Variants in TTLL12 observed in about 807,000 individuals in gnomAD.
TTLL12 encodes tubulin tyrosine ligase like 12.
TTLL12 carries 77 observed loss-of-function variants against 79.6 expected under a neutral mutation model. The ratio of observed to expected loss-of-function variants is 0.97; its 90% CI spans 0.81 to 1.17. The LOEUF (loss-of-function observed/expected upper bound fraction) is 1.17. Ranked by LOEUF, TTLL12 falls within the 50% of genes most tolerant of loss-of-function variation. TTLL12 has a pLI of 0.00. For synonymous variants in TTLL12, 437 were observed against 376.1 expected (o/e 1.16, Z -1.87); for missense variants, 969 against 895.9 (o/e 1.08, Z -1.04).
intron 3 of TTLL12, 36 bp downstream of exon 3, chr22:43,180,706 G>C: frequency 1.2e-6 from 2 of 1,607,314 alleles, no homozygotes; most frequent in South Asian, 2.2e-5. Flanking sequence ...GCCCATGCCT[G>C]TCCTCCCCCT....
At position 43,174,381 on chromosome 22, in the gene TTLL12, C is replaced by G. The variant is rs776096968; in HGVS notation, c.1057G>C (p.Gly353Arg). 1.5e-5 allele frequency: 23 copies of G among 1,565,848 alleles called. No homozygotes were observed. The highest frequency in any genetic ancestry group is 2.0e-5 in the Non-Finnish European group (23 of 1,151,596). ...DYRKLSQERP[G>R]VLLNQFPCEN... Reference sequence around the variant, plus strand: ...CAGGGGAACTGGTTCAGCAGCACGCCTGGCCTCTCCTGGCTGAGTTTCCTG... The same window carrying G: ...CAGGGGAACTGGTTCAGCAGCACGCGTGGCCTCTCCTGGCTGAGTTTCCTG... Residue 353 changes from glycine (G) to arginine (R), a missense_variant, in exon 8 of 14, where the codon GGC becomes CGC. By Grantham distance (125) the Gly-to-Arg change is moderately radical. Coordinates refer to ENST00000216129, the MANE Select transcript of TTLL12 (RefSeq NM_015140.4).
intron 2 of TTLL12, 46 bp downstream of exon 2, chr22:43,182,933 CT>C (rs1210616664): frequency 6.3e-7 from 1 of 1,593,870 alleles, no homozygotes; most frequent in Non-Finnish European, 8.6e-7. Context: ...CATCTCCCAC[CT>C]TTCACCAAGT....
At chr22:43,169,063 G>C in intron 12 of TTLL12, 151 bp from the exon 13 acceptor site, 2 of 1,023,968 alleles carry the variant, frequency 2.0e-6, no homozygotes, top group Non-Finnish European at 2.8e-6. Flanking sequence ...GGCCACCTCC[G>C]CCCAGCACCT....
chr22:43,179,834 G>A lies in TTLL12; in HGVS notation c.706+7C>T. The A allele has an allele frequency of 1.3e-6, 2 of 1,579,736 alleles. No individual in the cohort carries two copies. Among genetic ancestry groups the A allele is most frequent in the Non-Finnish European group, 1.7e-6 (2 of 1,161,342 alleles). On this transcript the variant is annotated splice_region_variant and intron_variant, in intron 4 of 13. Coordinates refer to ENST00000216129, the MANE Select transcript of TTLL12 (RefSeq NM_015140.4). ...CCTCCTCCAGGGCGGGCAGGTGCTG[G>A]ACTTACCGCCAGTGTCCAGGTCCCT...
chr22:43,185,247 T>TTATATA (rs3985927), intron 1 of TTLL12, among the ~76,000 whole-genome samples: 20 of 115,698 alleles, frequency 1.7e-4, no homozygotes, highest in East Asian at 3.4e-4. Context: ...AAGAAAAAAA[T>TTATATA]TATATATATA....
In TTLL12 at chr22:43,186,995, C is replaced by T; in HGVS notation, c.75G>A (p.Ala25=). 2 of 1,279,590 alleles carry T rather than the reference C, an allele frequency of 1.6e-6. No individual in the cohort carries two copies. Among genetic ancestry groups the T allele is most frequent in the Admixed American group, 3.8e-5 (1 of 26,370 alleles). The allele number at this position is 1,279,590 out of a possible 1,614,324, so 79.3% of individuals were successfully genotyped here. A position where few individuals can be genotyped will look rare whatever the true frequency, so the allele number is the denominator to read the frequency against. Residue 25 remains alanine, a synonymous_variant, in exon 1 of 14, where the codon GCG becomes GCA. Coordinates refer to ENST00000216129, the MANE Select transcript of TTLL12 (RefSeq NM_015140.4). The stretch of plus-strand genomic sequence containing the variant: ...GCGCCGCGAACTCGGCCAAGGCCTG[C>T]GCGCCCTCCTCCGGCGTCTGGCCCG... ...SSPGQTPEEG[A]QALAEFAALH... is the part of the protein sequence containing the mutation.
intron 1 of TTLL12, 98 bp downstream of exon 1, chr22:43,186,795 C>A: frequency 8.6e-7 from 1 of 1,162,442 alleles, no homozygotes; most frequent in Non-Finnish European, 1.1e-6. Context: ...CTCACCGCGG[C>A]TCCCGCCGCC....
intron 1 of TTLL12, among the ~76,000 whole-genome samples, chr22:43,185,378 G>T (rs1447601246): frequency 6.6e-6 from 1 of 151,204 alleles, no homozygotes; most frequent in African/African-American, 2.4e-5. Context: ...GGCCAGGGGT[G>T]TAAGGGCCCA....
intron 11 of TTLL12, chr22:43,170,031 G>C (rs1931725202): frequency 8.1e-6 from 3 of 370,974 alleles, no homozygotes; most frequent in Non-Finnish European, 1.6e-5. Flanking sequence ...AGGGATGCAA[G>C]ATCTTTCTGG....
chr22:43,170,069 G>A (rs541947123), intron 11 of TTLL12: 16 of 357,030 alleles, frequency 4.5e-5, no homozygotes, highest in South Asian at 1.9e-4. Flanking sequence ...AAACACACCC[G>A]AGGAAGGTGG....
At chr22:43,177,271 A>T (rs889057248) in intron 5 of TTLL12, among the ~76,000 whole-genome samples, 1 of 152,052 alleles carries the variant, frequency 6.6e-6, no homozygotes, top group African/African-American at 2.4e-5. Flanking sequence ...CGGGAGGCTG[A>T]GGCAGGAGGA....
At chr22:43,172,226 C>A (rs776934481) in intron 10 of TTLL12, among the ~76,000 whole-genome samples, 177 bp downstream of exon 10, 1 of 152,352 alleles carries the variant, frequency 6.6e-6, no homozygotes, top group East Asian at 1.9e-4. Flanking sequence ...GTGGGCAGGG[C>A]AAGTCACCGC....
chr22:43,170,898 C>T (rs1214084074), intron 11 of TTLL12, among the ~76,000 whole-genome samples: 2 of 152,090 alleles, frequency 1.3e-5, no homozygotes, highest in African/African-American at 2.4e-5. Context: ...TGGGTGACAG[C>T]GTGAGACATT....
In TTLL12 at chr22:43,169,628, C is replaced by T. The variant is rs763015965; in HGVS notation, c.1576-60G>A. 3.8e-6 allele frequency: 6 copies of T among 1,564,126 alleles called. No homozygotes were observed. In the African/African-American group the frequency reaches 5.4e-5, roughly 14 times the overall value. On this transcript the variant is annotated intron_variant, in intron 11 of 13. Transcript: ENST00000216129. ...AGGCCTCCGCTGGGCCGGGAGCAGG[C>T]AGCCTGCTACTGCCTGGACCAGGAG...
At chr22:43,184,952 G>A (rs777195155) in intron 1 of TTLL12, among the ~76,000 whole-genome samples, 2 of 152,090 alleles carry the variant, frequency 1.3e-5, no homozygotes, top group South Asian at 2.1e-4. Context: ...CTCTTCGGCC[G>A]GCCGTGGCGG....
In TTLL12 at chr22:43,182,978, A is replaced by C; in HGVS notation, c.347+2T>G. On this transcript the variant is annotated splice_donor_variant, in intron 2 of 13. Coordinates refer to ENST00000216129, the MANE Select transcript of TTLL12 (RefSeq NM_015140.4). LOFTEE classifies it high-confidence loss of function. ...TGGTGGTGTCTCTGGCCAGGCTCCT[A>C]CCTGTTGGGGTGGGCTGCCTGGAGC... The C allele has an allele frequency of 6.2e-7, 1 of 1,612,618 alleles. No homozygotes were observed. The highest frequency in any genetic ancestry group is 8.5e-7 in the Non-Finnish European group (1 of 1,179,044).
chr22:43,183,734 C>T (rs909887310), intron 1 of TTLL12, among the ~76,000 whole-genome samples: 14 of 152,336 alleles, frequency 9.2e-5, no homozygotes, highest in Admixed American at 3.9e-4. Flanking sequence ...CTGCCTTGTG[C>T]GGCTAGTCAA....
chr22:43,172,701 CTT>C (rs368382622), intron 9 of TTLL12, 147 bp from the exon 10 acceptor site: 9,684 of 609,042 alleles, frequency 0.016, no homozygotes, highest in South Asian at 0.021. Flanking sequence ...GCTGCAAAGT[CTT>C]TTTTTTTTTT....
At chr22:43,174,078 C>G in intron 8 of TTLL12, 131 bp downstream of exon 8, 1 of 1,270,836 alleles carries the variant, frequency 7.9e-7, no homozygotes, top group South Asian at 1.4e-5. Flanking sequence ...ACGGCCGTGA[C>G]GTTCGGGGCC....
Sources: gnomAD v4.1 joint callset for allele counts (sites outside exome capture counted in the v4.1 genomes callset) on GRCh38, gnomAD v4.1.1 for gene constraint, MANE v1.5 for transcripts, NCBI Gene and HGNC (gene_info 2026-07-23, HGNC 2026-07-21) for gene names.